The following RGS6 variants were observed in gnomAD, a reference collection of about 807,000 sequenced individuals.
RGS6 encodes regulator of G protein signaling 6, also known as regulator of G-protein signaling 6.
A neutral mutation model predicts 78.5 loss-of-function variants in RGS6; 30 were observed. That is an observed-to-expected ratio of 0.38 (90% CI 0.29 to 0.52). The LOEUF (loss-of-function observed/expected upper bound fraction) is 0.52, where lower values mean the gene tolerates loss of function less well. RGS6 is among the 20% of genes least tolerant of loss of function. RGS6 has a pLI of 0.85. For synonymous variants in RGS6, 206 were observed against 206.0 expected, an observed-to-expected ratio of 1.00 and a Z score of 0.00; for missense variants, 495 against 609.7, an observed-to-expected ratio of 0.81 and a Z score of 1.98.
chr14:72,255,188 T>C (rs1015535603), intron 2 of RGS6, among the ~76,000 whole-genome samples: 3 of 152,028 alleles, frequency 2.0e-5, no homozygotes, highest in Non-Finnish European at 4.4e-5. Context: ...ATTGGCTAAT[T>C]TGAAAATGTT....
intron 13 of RGS6, among the ~76,000 whole-genome samples, chr14:72,508,559 CTCCTTT>C (rs2096838355): frequency 2.1e-5 from 2 of 97,000 alleles, no homozygotes; most frequent in Admixed American, 1.3e-4. Flanking sequence ...CGCACACAAG[CTCCTTT>C]TTTTTTTTTT....
intron 2 of RGS6, among the ~76,000 whole-genome samples, chr14:72,192,992 T>TC (rs968068460): frequency 8.6e-5 from 13 of 151,606 alleles, no homozygotes; most frequent in East Asian, 2.0e-4. Context: ...TTTTTTTTTT[T>TC]TTTCTTTCTT....
intron 3 of RGS6, among the ~76,000 whole-genome samples, chr14:72,385,215 G>T (rs1334400881): frequency 6.6e-6 from 1 of 151,912 alleles, no homozygotes; most frequent in Admixed American, 6.6e-5. Flanking sequence ...TCAAAGCTTG[G>T]GTGTAATAGA....
intron 12 of RGS6, among the ~76,000 whole-genome samples, chr14:72,484,747 A>T (rs2096456026): frequency 6.6e-6 from 1 of 152,130 alleles, no homozygotes; most frequent in African/African-American, 2.4e-5. Flanking sequence ...AAGGTTTTGC[A>T]TTAATAACTG....
chr14:72,391,649 G>T (rs1378226363), intron 3 of RGS6, among the ~76,000 whole-genome samples: 1 of 152,158 alleles, frequency 6.6e-6, no homozygotes, highest in Non-Finnish European at 1.5e-5. Flanking sequence ...TGCACAACGT[G>T]CAGGTTTGTT....
the RGS6 span, among the ~76,000 whole-genome samples, chr14:72,629,048 A>G: frequency 6.6e-6 from 1 of 152,222 alleles, no homozygotes; most frequent in Non-Finnish European, 1.5e-5. Context: ...CATTTATGAG[A>G]CAACTGAGGA....
chr14:72,591,694 T>C, the RGS6 span, among the ~76,000 whole-genome samples: 5 of 152,208 alleles, frequency 3.3e-5, no homozygotes, highest in Non-Finnish European at 7.3e-5. Flanking sequence ...TGTGTGGGTG[T>C]TGGCAGCAGA....
intron 2 of RGS6, among the ~76,000 whole-genome samples, chr14:71,986,512 C>G (rs1348485550): frequency 6.6e-6 from 1 of 151,554 alleles, no homozygotes; most frequent in Non-Finnish European, 1.5e-5. Flanking sequence ...ACCAGCCTGG[C>G]CAACATGATG....
chr14:72,459,514 A>C lies in RGS6; in HGVS notation c.343-118A>C, dbSNP rs189569853. ...AGAGAAGAGGAGAGAATTGTGGGGT[A>C]GCATCAGCAAGAAGGAGATGGGGGA... is the stretch of plus-strand genomic sequence containing the variant. On this transcript the variant is annotated intron_variant, in intron 5 of 17. Transcript: ENST00000553525. The C allele has an allele frequency of 1.5e-3, 1,261 of 863,368 alleles. 9 individuals are homozygous for C. Among genetic ancestry groups the C allele is most frequent in the Admixed American group, 1.5e-3 (74 of 49,980 alleles). The allele number at this position is 863,368 out of a possible 1,614,324, so 53.5% of individuals were successfully genotyped here.
intron 2 of RGS6, among the ~76,000 whole-genome samples, chr14:72,347,430 C>A (rs1404121937): frequency 1.3e-5 from 2 of 152,224 alleles, no homozygotes; most frequent in African/African-American, 4.8e-5. Context: ...GGGTCAATTT[C>A]TCTGCATCCT....
At chr14:72,273,107 C>T (rs963257745) in intron 2 of RGS6, among the ~76,000 whole-genome samples, 31 of 148,766 alleles carry the variant, frequency 2.1e-4, no homozygotes, top group African/African-American at 6.4e-4. Context: ...ACTCCAGCCT[C>T]GGCTACAAGG....
intron 2 of RGS6, chr14:71,990,780 C>G (rs2094923676): frequency 2.2e-6 from 1 of 455,900 alleles, no homozygotes; most frequent in African/African-American, 2.0e-5. Context: ...ATGCCTATAT[C>G]CAGCTACCAA....
intron 2 of RGS6, among the ~76,000 whole-genome samples, chr14:72,142,683 A>G (rs1405232629): frequency 6.6e-6 from 1 of 152,240 alleles, no homozygotes; most frequent in Non-Finnish European, 1.5e-5. Context: ...AGTAATGGCC[A>G]TATAATATAA....
In RGS6 at chr14:72,094,993, G is replaced by GT. The variant is rs1305064731; in HGVS notation, c.84+130125dup. Among the ~76,000 whole-genome samples the GT allele has an allele frequency of 5.3e-5, 8 of 152,148 alleles. No individual in the cohort carries two copies. In the East Asian group the frequency reaches 7.7e-4, roughly 15 times the overall value. On this transcript the variant is annotated intron_variant, in intron 2 of 17. Coordinates refer to ENST00000553525, the MANE Select transcript of RGS6 (RefSeq NM_001204424.2). ...AAAGCCTAATGCTCTTTCTTCTGATGTTTTTTTGACTGTCAGCCTGAGTAG... is the reference window on the plus strand; with the variant it reads ...AAAGCCTAATGCTCTTTCTTCTGATGTTTTTTTTGACTGTCAGCCTGAGTAG...
chr14:71,903,592 G>A, the RGS6 span, among the ~76,000 whole-genome samples: 2 of 152,178 alleles, frequency 1.3e-5, no homozygotes, highest in Admixed American at 6.5e-5. Flanking sequence ...TTGAGGTAAC[G>A]AGCCTGAATG....
At position 72,127,317 on chromosome 14, in the gene RGS6, T is replaced by C. The variant is rs142659225; in HGVS notation, c.84+162442T>C. ...TGAATTGTTACCTTTACTCTGAAAT[T>C]AGTATGTAAAGGAGCACTTTGTTTA... On this transcript the variant is annotated intron_variant, in intron 2 of 17. Transcript: ENST00000553525. Among the ~76,000 whole-genome samples, 1,331 of 152,330 alleles carry C rather than the reference T, an allele frequency of 8.7e-3. 37 individuals are homozygous for C. Among genetic ancestry groups the C allele is most frequent in the Admixed American group, 0.06 (925 of 15,298 alleles).
intron 3 of RGS6, among the ~76,000 whole-genome samples, chr14:72,403,953 A>G (rs1301380524): frequency 6.6e-6 from 1 of 152,230 alleles, no homozygotes; most frequent in Non-Finnish European, 1.5e-5. Flanking sequence ...AAGGAATGTT[A>G]AAGATCTCAG....
the RGS6 span, among the ~76,000 whole-genome samples, chr14:71,888,031 A>G: frequency 6.6e-6 from 1 of 152,264 alleles, no homozygotes; most frequent in East Asian, 1.9e-4. Context: ...CCGGCGGCCC[A>G]GCTGTAAAAT....
the RGS6 span, among the ~76,000 whole-genome samples, chr14:71,926,466 C>G: frequency 2.0e-5 from 3 of 151,748 alleles, no homozygotes; most frequent in African/African-American, 7.3e-5. Flanking sequence ...TGCCTGTAAT[C>G]CCAGCTGCTT....
Sources: allele counts gnomAD v4.1 joint callset (sites outside exome capture counted in the v4.1 genomes callset), GRCh38; gene constraint gnomAD v4.1.1; transcripts MANE v1.5; gene names NCBI Gene and HGNC (gene_info 2026-07-23, HGNC 2026-07-21).